CROCC2: variants seen among roughly 807,000 people sequenced by gnomAD.
CROCC2 encodes the protein ciliary rootlet coiled-coil protein 2.
Under a neutral mutation model 177.6 loss-of-function variants are expected in CROCC2, and 163 were observed. That is an observed-to-expected ratio of 0.92 (90% confidence interval 0.81 to 1.05). The LOEUF is 1.05. Ranked by LOEUF, CROCC2 falls within the 50% of genes least tolerant of loss-of-function variation. The probability of loss-of-function intolerance (pLI) is 0.00; values close to 1 mark genes in which losing one functional copy is unlikely to be tolerated. For synonymous variants in CROCC2, 904 were observed against 787.3 expected (o/e 1.15, Z -2.48); for missense variants, 1,929 against 1,797.8 (o/e 1.07, Z -1.32).
chr2:240,940,462 C>A lies in CROCC2; in HGVS notation c.2169+4874C>A, dbSNP rs183811383. On this transcript the variant is annotated intron_variant, in intron 14 of 31. Transcript: ENST00000690015. ...ATCCTTTTCATATATTTACCTTCAA[C>A]TTGTCTATGTCTGCTTATTTAAAGT... Among the ~76,000 whole-genome samples the A allele has an allele frequency of 3.1e-4, 47 of 152,226 alleles. No individual in the cohort carries two copies. The Middle Eastern group carries it at 0.01, about 33-fold the overall frequency.
chr2:240,971,265 C>T (rs943511625), intron 27 of CROCC2, among the ~76,000 whole-genome samples: 1 of 152,230 alleles, frequency 6.6e-6, no homozygotes, highest in African/African-American at 2.4e-5. Context: ...CACAAAGTCC[C>T]CTGGCCATGA....
At chr2:240,984,304 C>T (rs1002720687) in intron 28 of CROCC2, among the ~76,000 whole-genome samples, 2 of 152,108 alleles carry the variant, frequency 1.3e-5, no homozygotes, top group African/African-American at 4.8e-5. Flanking sequence ...CGCATGAAAC[C>T]AGACGGAGCA....
At chr2:240,963,415 A>G (rs914193906) in intron 20 of CROCC2, 141 bp from the exon 21 acceptor site, 8 of 846,544 alleles carry the variant, frequency 9.5e-6, no homozygotes, top group African/African-American at 1.7e-5. Flanking sequence ...TGGTGGCTCC[A>G]TGGGGTGAGC....
chr2:240,961,279 G>T (rs1044945819), intron 20 of CROCC2, among the ~76,000 whole-genome samples: 1 of 151,878 alleles, frequency 6.6e-6, no homozygotes, highest in Non-Finnish European at 1.5e-5. Context: ...CACACACACC[G>T]GTGTACACTT....
rs141564189 is a variant in CROCC2 at position 240,934,338 on chromosome 2, C to G, written c.1654C>G (p.Arg552Gly). ...TCTGGTCTGGGGCCTCAGTCAAGGCCGCCTGCAGCAGCTGGAGGAGAAGGT... is the reference window on the plus strand; with the variant it reads ...TCTGGTCTGGGGCCTCAGTCAAGGCGGCCTGCAGCAGCTGGAGGAGAAGGT... ...SCRALETSQG[R>G]LQQLEEKVSG... Residue 552 changes from arginine to glycine, a missense_variant, in exon 12 of 32, where the codon CGC becomes GGC. Arg to Gly is a moderately radical substitution (Grantham distance 125). Coordinates refer to ENST00000690015, the MANE Select transcript of CROCC2 (RefSeq NM_001351305.2). 2,023 of 1,548,370 alleles carry G rather than the reference C, an allele frequency of 1.3e-3. 23 individuals carry two copies. The African/African-American group carries it at 0.024, about 18-fold the overall frequency.
intron 14 of CROCC2, among the ~76,000 whole-genome samples, chr2:240,943,387 C>T (rs185829642): frequency 2.0e-4 from 31 of 152,178 alleles, no homozygotes; most frequent in South Asian, 1.0e-3. Context: ...TTTCGTTCCC[C>T]GGCTGCTTTG....
chr2:240,991,188 G>A lies in CROCC2; in HGVS notation c.4864-8G>A, dbSNP rs1026628267. On this transcript the variant is annotated splice_region_variant and splice_polypyrimidine_tract_variant and intron_variant, in intron 30 of 31. Transcript: ENST00000690015. ...CCCACCTGACCTGAGCCACTGTCCT[G>A]TCCCCAGGTGGCCAGCCTGAAGGAG... is the stretch of plus-strand genomic sequence containing the variant. 1.9e-6 allele frequency: 3 copies of A among 1,543,650 alleles called. No individual in the cohort carries two copies. The highest frequency in any genetic ancestry group is 2.6e-6 in the Non-Finnish European group (3 of 1,143,480).
At chr2:240,968,017 A>AC (rs2059695175) in intron 26 of CROCC2, 112 bp from the exon 27 acceptor site, 2 of 1,145,512 alleles carry the variant, frequency 1.7e-6, no homozygotes, top group African/African-American at 1.6e-5. Flanking sequence ...GCAAGGATGG[A>AC]CCCCCACCTC....
rs561850762 is a variant in CROCC2 at position 240,920,134 on chromosome 2, G to C, written c.381G>C (p.Gln127His). The C allele has an allele frequency of 1.3e-4, 88 of 680,858 alleles. No individual in the cohort carries two copies. In the South Asian group the frequency reaches 1.4e-3, roughly 11 times the overall value. 42.2% of individuals were successfully genotyped at this position (680,858 alleles called of 1,614,324 possible). The stretch of plus-strand genomic sequence containing the variant: ...GCAGGTGCCGTGTGGTCAGCGAGCA[G>C]GTGCGTGTGTGCAGCAGACTCAGGG... ...LASRCRVVSE[Q>H]LQARLETTEA... is the part of the protein sequence containing the mutation. Residue 127 changes from glutamine to histidine, a missense_variant and splice_region_variant, in exon 3 of 32, where the codon CAG (glutamine) becomes CAC (histidine). Physicochemically the swap from Gln to His is conservative, Grantham distance 24. Around this residue, in one of 3 missense-constraint regions of CROCC2, gnomAD observed 1,397 missense variants for 1,239.9 expected, o/e 1.13. Coordinates refer to ENST00000690015, the MANE Select transcript of CROCC2 (RefSeq NM_001351305.2).
chr2:240,930,068 A>G, intron 5 of CROCC2, 98 bp from the exon 6 acceptor site: 2 of 519,064 alleles, frequency 3.9e-6, no homozygotes, highest in South Asian at 3.7e-5. Flanking sequence ...GTCCACTTCC[A>G]GCCCCCATGG....
At position 240,935,437 on chromosome 2, in the gene CROCC2, C is replaced by A; in HGVS notation, c.2018C>A (p.Ala673Glu). The change falls in exon 14 of 32, where the codon GCA (alanine) becomes GAA (glutamate). Residue 673 changes from alanine to glutamate, a missense_variant. Around this residue, in one of 3 missense-constraint regions of CROCC2, gnomAD observed 1,397 missense variants for 1,239.9 expected, o/e 1.13. Transcript: ENST00000690015. ...CGGGCCCGGGCCGGGGAGCAGCTGG[C>A]ACAGGCGGAGCAGCAGCTGGCGCTG... ...QERARAGEQLAQAEQQLALER... is the reference protein window; with the variant it reads ...QERARAGEQLEQAEQQLALER... 7.3e-7 allele frequency: 1 copy of A among 1,370,938 alleles called. No homozygotes were observed. Among genetic ancestry groups the A allele is most frequent in the South Asian group, 1.8e-5 (1 of 54,884 alleles). The allele number at this position is 1,370,938 out of a possible 1,614,324, so 84.9% of individuals were successfully genotyped here.
rs193260970 is a variant in CROCC2 at position 240,911,086 on chromosome 2, G to A, written c.78+4495G>A. On this transcript the variant is annotated intron_variant, in intron 1 of 31. Transcript: ENST00000690015. ...GTGGAGGTAACAGTGAGCCAAGATCGCACCACTGTACTCCAGCCTGGGAGA... is the reference window on the plus strand; with the variant it reads ...GTGGAGGTAACAGTGAGCCAAGATCACACCACTGTACTCCAGCCTGGGAGA... Among the ~76,000 whole-genome samples, 167 of 152,090 alleles carry A rather than the reference G, an allele frequency of 1.1e-3. 1 individual carries two copies. Among genetic ancestry groups the A allele is most frequent in the Non-Finnish European group, 1.5e-3 (100 of 67,998 alleles).
chr2:240,955,464 T>G, intron 18 of CROCC2: 1 of 168,828 alleles, frequency 5.9e-6, no homozygotes, highest in Non-Finnish European at 1.3e-5. Context: ...TTTTCGGGCT[T>G]TTAAGCTTTC....
chr2:240,934,548 C>A, intron 12 of CROCC2, 73 bp downstream of exon 12: 1 of 1,391,916 alleles, frequency 7.2e-7, no homozygotes, highest in Non-Finnish European at 9.7e-7. Flanking sequence ...CTGACCTGGC[C>A]TCCCACTCCC....
chr2:240,969,288 G>A (rs1431067277), intron 27 of CROCC2, among the ~76,000 whole-genome samples: 1 of 152,238 alleles, frequency 6.6e-6, no homozygotes, highest in Non-Finnish European at 1.5e-5. Flanking sequence ...GGAGCCTGGT[G>A]GCCCTCAGAG....
At chr2:240,934,772 C>A in intron 12 of CROCC2, 144 bp from the exon 13 acceptor site, 2 of 909,774 alleles carry the variant, frequency 2.2e-6, no homozygotes, top group Non-Finnish European at 3.2e-6. Context: ...TGAGACCTCC[C>A]CACTGTGGCG....
chr2:240,972,123 T>C lies in CROCC2; in HGVS notation c.4401+3861T>C, dbSNP rs7559834. Among the ~76,000 whole-genome samples the C allele has an allele frequency of 0.58, 88,148 of 152,046 alleles. 26,414 individuals are homozygous for C. Among genetic ancestry groups the C allele is most frequent in the Middle Eastern group, 0.7 (206 of 294 alleles). On this transcript the variant is annotated intron_variant, in intron 27 of 31. Coordinates refer to ENST00000690015, the MANE Select transcript of CROCC2 (RefSeq NM_001351305.2). This position sits in a 1 kb window ranked among gnomAD's most constrained non-coding sequence, Gnocchi z 7.1. ...ACCCCAGTGGATACTAGTTTTGTGA[T>C]TTTTTTCCTTTGCGTGTCTTTAAAG...
At chr2:240,912,953 G>A (rs1043075176) in intron 1 of CROCC2, among the ~76,000 whole-genome samples, 4 of 152,144 alleles carry the variant, frequency 2.6e-5, no homozygotes, top group Admixed American at 1.3e-4. Context: ...GCCAGGCCAC[G>A]GTGCCCGTCG....
At chr2:240,987,064 G>A (rs1223554808) in intron 28 of CROCC2, among the ~76,000 whole-genome samples, 2 of 152,252 alleles carry the variant, frequency 1.3e-5, no homozygotes. Flanking sequence ...GCCAGCCAAT[G>A]GGGTCCAGTC....
Sources: gnomAD v4.1 joint callset for allele counts (sites outside exome capture counted in the v4.1 genomes callset) on GRCh38, gnomAD v4.1.1 for gene constraint, gnomAD v4.1.1 regional missense constraint, Gnocchi (gnomAD v3.1) non-coding constraint, MANE v1.5 for transcripts, NCBI Gene and HGNC (gene_info 2026-07-23, HGNC 2026-07-21) for gene names.